Variants in ADARB2 observed in about 807,000 individuals in gnomAD.
ADARB2 encodes inactive double-stranded RNA-specific editase B2.
Under a neutral mutation model 62.2 loss-of-function variants are expected in ADARB2, and 25 were observed. The ratio of observed to expected loss-of-function variants is 0.40; its 90% CI spans 0.29 to 0.56. ADARB2 has a LOEUF of 0.56. Ranked by LOEUF, ADARB2 falls within the 20% of genes least tolerant of loss-of-function variation. The probability of loss-of-function intolerance (pLI) is 0.43; values close to 1 mark genes in which losing one functional copy is unlikely to be tolerated. For missense variants in ADARB2, 1,071 were observed against 1,077.4 expected (o/e 0.99, Z 0.08); for synonymous variants, 572 against 500.8 (o/e 1.14, Z -1.90).
chr10:1,191,932 T>C (rs1407384673), intron 8 of ADARB2, among the ~76,000 whole-genome samples: 1 of 152,224 alleles, frequency 6.6e-6, no homozygotes, highest in East Asian at 1.9e-4. Flanking sequence ...CTACCAGCAC[T>C]GCTTCAACTA....
At chr10:1,611,006 A>T (rs1693354176) in intron 1 of ADARB2, among the ~76,000 whole-genome samples, 1 of 152,176 alleles carries the variant, frequency 6.6e-6, no homozygotes, top group Admixed American at 6.5e-5. Flanking sequence ...GTGGTAGGAA[A>T]TACATATGGT....
At chr10:1,348,957 GA>G (rs1025571156) in intron 3 of ADARB2, among the ~76,000 whole-genome samples, 2 of 152,194 alleles carry the variant, frequency 1.3e-5, no homozygotes, top group Non-Finnish European at 2.9e-5. Flanking sequence ...GACAATGGGG[GA>G]AGGAGAGAGG....
intron 3 of ADARB2, among the ~76,000 whole-genome samples, chr10:1,356,615 G>C (rs1483504157): frequency 6.6e-6 from 1 of 152,208 alleles, no homozygotes; most frequent in Non-Finnish European, 1.5e-5. Flanking sequence ...TTCCAGGGAA[G>C]CCTTAGGGCT....
rs1447182715 is a variant in ADARB2 at position 1,178,324 on chromosome 10, T to A, written c.*4869A>T. 7.0e-6 allele frequency: 1 copy of A among 143,128 alleles called. No homozygotes were observed. Among genetic ancestry groups the A allele is most frequent in the Non-Finnish European group, 1.5e-5 (1 of 68,044 alleles). The allele number at this position is 143,128 out of a possible 1,614,324, so 8.9% of individuals were successfully genotyped here. ...TGAGGGGAGAGTGAGCGGAGGGTGG[T>A]GCTGGCCGCCTCTCAGGCTTCCCAG... On this transcript the variant is annotated 3_prime_UTR_variant, in exon 10 of 10. Coordinates refer to ENST00000381312, the MANE Select transcript of ADARB2 (RefSeq NM_018702.4).
rs568048017 is a variant in ADARB2, at chr10:1,391,569, T to G, written c.101-12409A>C. On this transcript the variant is annotated intron_variant, in intron 1 of 9. Transcript: ENST00000381312. Reference sequence around the variant, plus strand: ...ATCAATGTTTTTGGAGTCCACTTTGTGGATTGAAACTCTGTTTCATTTACA... The same window carrying G: ...ATCAATGTTTTTGGAGTCCACTTTGGGGATTGAAACTCTGTTTCATTTACA... Among the ~76,000 whole-genome samples the G allele has an allele frequency of 2.0e-5, 3 of 152,272 alleles. No individual in the cohort carries two copies. In the East Asian group the frequency reaches 5.8e-4, roughly 29 times the overall value.
chr10:1,365,512 G>A lies in ADARB2; in HGVS notation c.188-1595C>T, dbSNP rs535639303. 4.6e-5 allele frequency among the ~76,000 whole-genome samples: 7 copies of A among 152,254 alleles called. No individual in the cohort carries two copies. The East Asian group carries it at 1.2e-3, about 25-fold the overall frequency. ...AATGTAGGGAGAAGGCATGATGATG[G>A]CCAAGATGGGTCAAAATCTGGTCCC... On this transcript the variant is annotated intron_variant, in intron 2 of 9. Transcript: ENST00000381312.
intron 3 of ADARB2, among the ~76,000 whole-genome samples, chr10:1,301,410 G>A (rs1181640675): frequency 6.6e-6 from 1 of 152,172 alleles, no homozygotes; most frequent in Non-Finnish European, 1.5e-5. Flanking sequence ...GTGAATTTTA[G>A]AACCTAAATA....
intron 1 of ADARB2, among the ~76,000 whole-genome samples, chr10:1,672,282 G>C (rs72766751): frequency 0.29 from 44,312 of 152,022 alleles, 7,202 homozygotes; most frequent in East Asian, 0.44. Context: ...ATGTGCTGTG[G>C]GTTCCTGGGA....
chr10:1,516,839 G>C (rs1307764734), intron 1 of ADARB2, among the ~76,000 whole-genome samples: 1 of 152,200 alleles, frequency 6.6e-6, no homozygotes, highest in Admixed American at 6.5e-5. Flanking sequence ...GTATTTTAAA[G>C]GTCTCAGGCA....
chr10:1,350,774 A>G (rs1458454344), intron 3 of ADARB2, among the ~76,000 whole-genome samples: 1 of 152,202 alleles, frequency 6.6e-6, no homozygotes, highest in Non-Finnish European at 1.5e-5. Flanking sequence ...CGCTCCCGAC[A>G]TTAAATAAAA....
intron 3 of ADARB2, among the ~76,000 whole-genome samples, chr10:1,282,612 A>G (rs1342678724): frequency 6.6e-6 from 1 of 152,248 alleles, no homozygotes; most frequent in Non-Finnish European, 1.5e-5. Flanking sequence ...TATACAGTCA[A>G]CTTTGGTTAC....
At chr10:1,410,624 T>C (rs1832751422) in intron 1 of ADARB2, among the ~76,000 whole-genome samples, 1 of 152,188 alleles carries the variant, frequency 6.6e-6, no homozygotes, top group Non-Finnish European at 1.5e-5. Context: ...TACATAACTG[T>C]TGATGGTGTA....
At chr10:1,395,970 C>T (rs892457128) in intron 1 of ADARB2, among the ~76,000 whole-genome samples, 1 of 152,230 alleles carries the variant, frequency 6.6e-6, no homozygotes, top group Admixed American at 6.5e-5. Context: ...CCCTGTCCTC[C>T]GCTGACCGGA....
intron 3 of ADARB2, among the ~76,000 whole-genome samples, chr10:1,326,751 G>C (rs1254274376): frequency 7.5e-6 from 1 of 132,888 alleles, no homozygotes; most frequent in Non-Finnish European, 1.7e-5. Flanking sequence ...GCCTCCCGAC[G>C]GCACGGCGCC....
intron 1 of ADARB2, among the ~76,000 whole-genome samples, chr10:1,668,887 C>T (rs1288755399): frequency 6.6e-6 from 1 of 152,210 alleles, no homozygotes; most frequent in Non-Finnish European, 1.5e-5. Flanking sequence ...CTTCTGTGAG[C>T]TCCTGGTGGC....
At chr10:1,441,083 C>G (rs1336105137) in intron 1 of ADARB2, among the ~76,000 whole-genome samples, 1 of 152,192 alleles carries the variant, frequency 6.6e-6, no homozygotes. Context: ...GTAGGACTGT[C>G]AGGTAGACCA....
intron 1 of ADARB2, among the ~76,000 whole-genome samples, chr10:1,655,022 C>T (rs972484035): frequency 7.9e-5 from 12 of 152,188 alleles, no homozygotes; most frequent in Non-Finnish European, 1.3e-4. Flanking sequence ...AGGACGCGGT[C>T]GGGAGGAATC....
intron 8 of ADARB2, among the ~76,000 whole-genome samples, chr10:1,192,899 C>A (rs1426410457): frequency 6.6e-6 from 1 of 152,224 alleles, no homozygotes; most frequent in Non-Finnish European, 1.5e-5. Flanking sequence ...GCCGAGATCG[C>A]GCCACTGCAT....
chr10:1,364,281 C>T (rs1832293874), intron 2 of ADARB2, among the ~76,000 whole-genome samples: 1 of 152,204 alleles, frequency 6.6e-6, no homozygotes, highest in Admixed American at 6.5e-5. Flanking sequence ...TCTAGTGTCC[C>T]CCTTCCCACC....
Sources: gnomAD v4.1 joint callset for allele counts (sites outside exome capture counted in the v4.1 genomes callset) on GRCh38, gnomAD v4.1.1 for gene constraint, MANE v1.5 for transcripts, NCBI Gene and HGNC (gene_info 2026-07-23, HGNC 2026-07-21) for gene names.